The following ACAD11 variants were observed in gnomAD, a reference collection of about 807,000 sequenced individuals.
ACAD11 encodes acyl-Coenzyme A dehydrogenase family, member 11.
ACAD11 carries 83 observed loss-of-function variants against 102.2 expected under a neutral mutation model. The ratio of observed to expected loss-of-function variants is 0.81; its 90% confidence interval spans 0.68 to 0.97. ACAD11 has a LOEUF of 0.97. Among genes scored for constraint, ACAD11 ranks in the 50% least tolerant of loss-of-function variants. ACAD11 has a pLI of 0.00. For synonymous variants in ACAD11, 324 were observed against 319.8 expected (o/e 1.01, Z -0.14); for missense variants, 901 against 951.7 (o/e 0.95, Z 0.70).
chr3:132,656,495 A>ATT (rs34116314), intron 1 of ACAD11, among the ~76,000 whole-genome samples: 3,255 of 145,856 alleles, frequency 0.022, 49 homozygotes, highest in Middle Eastern at 0.076. Context: ...ATATTGTCAG[A>ATT]TTTTTTTTTT....
At position 132,596,500 on chromosome 3, in the gene ACAD11, T is replaced by C. The variant is rs140711373; in HGVS notation, c.1621+6729A>G. Among the ~76,000 whole-genome samples the C allele has an allele frequency of 1.4e-3, 207 of 152,268 alleles. 1 individual carries two copies. In the East Asian group the frequency reaches 0.017, roughly 12 times the overall value. On this transcript the variant is annotated intron_variant, in intron 13 of 19. Coordinates refer to ENST00000264990, the MANE Select transcript of ACAD11 (RefSeq NM_032169.5). ...AATTTCTGCAGGTGGAGACTGAGCC[T>C]GGCCTTGCATGAAAAAATAGATAAC...
chr3:132,597,755 A>C (rs1938378522), intron 13 of ACAD11, among the ~76,000 whole-genome samples: 1 of 152,048 alleles, frequency 6.6e-6, no homozygotes, highest in Admixed American at 6.6e-5. Context: ...CTTACTTAAA[A>C]ATTCCCTTCC....
At chr3:132,602,779 C>T (rs1054574168) in intron 13 of ACAD11, among the ~76,000 whole-genome samples, 1 of 152,052 alleles carries the variant, frequency 6.6e-6, no homozygotes, top group African/African-American at 2.4e-5. Flanking sequence ...TTTGAAAATG[C>T]TTTCACATGC....
intron 13 of ACAD11, among the ~76,000 whole-genome samples, chr3:132,584,822 C>T (rs538668702): frequency 1.3e-5 from 2 of 152,098 alleles, no homozygotes; most frequent in Admixed American, 1.3e-4. Context: ...GAACTACAAA[C>T]CACTGCTCAA....
chr3:132,579,705 G>T, intron 13 of ACAD11, 147 bp from the exon 14 acceptor site: 1 of 628,200 alleles, frequency 1.6e-6, no homozygotes, highest in Non-Finnish European at 2.7e-6. Flanking sequence ...TAATTCTTTT[G>T]TAACACTCTA....
rs779094501 is a variant in ACAD11, at chr3:132,575,799, T to C, written c.1974A>G (p.Ile658Met). Residue 658 changes from isoleucine to methionine, a missense_variant, in exon 17 of 20, where the codon ATA (isoleucine) becomes ATG (methionine). Transcript: ENST00000264990. ...GTGCATACAACTTCTTCTTGAAAGCTATCCTTTGTGTTGCCCGCTCACACA... is the reference window on the plus strand; with the variant it reads ...GTGCATACAACTTCTTCTTGAAAGCCATCCTTTGTGTTGCCCGCTCACACA... Reference protein sequence around the residue: ...QIMCERATQRIAFKKKLYAHE... With the variant: ...QIMCERATQRMAFKKKLYAHE... The C allele has an allele frequency of 3.1e-6, 5 of 1,613,966 alleles. No individual in the cohort carries two copies. In the East Asian group the frequency reaches 8.9e-5, roughly 29 times the overall value.
chr3:132,607,786 T>C (rs1193424272), intron 11 of ACAD11, among the ~76,000 whole-genome samples: 1 of 152,038 alleles, frequency 6.6e-6, no homozygotes, highest in Non-Finnish European at 1.5e-5. Context: ...ACCACAAAGA[T>C]ACTCCTCAAG....
At chr3:132,583,195 T>A (rs1173545032) in intron 13 of ACAD11, among the ~76,000 whole-genome samples, 1 of 152,220 alleles carries the variant, frequency 6.6e-6, no homozygotes, top group Non-Finnish European at 1.5e-5. Context: ...TTTTTTTCAC[T>A]GGTAAGCTAT....
intron 17 of ACAD11, among the ~76,000 whole-genome samples, chr3:132,564,588 G>A (rs1937157640): frequency 6.6e-6 from 1 of 152,172 alleles, no homozygotes; most frequent in African/African-American, 2.4e-5. Context: ...CCAAGTCCTA[G>A]ATCTGGAATG....
At position 132,584,945 on chromosome 3, in the gene ACAD11, A is replaced by G. The variant is rs761428805; in HGVS notation, c.1622-5387T>C. 3.3e-5 allele frequency among the ~76,000 whole-genome samples: 5 copies of G among 152,226 alleles called. No homozygotes were observed. In the South Asian group the frequency reaches 6.2e-4, roughly 19 times the overall value. On this transcript the variant is annotated intron_variant, in intron 13 of 19. Transcript: ENST00000264990. ...CAAGGTAATTTATAGATTGAATGCC[A>G]TCCCCATCAAGCTACCAATGACTTT...
At chr3:132,608,248 T>C (rs981575172) in intron 11 of ACAD11, among the ~76,000 whole-genome samples, 1 of 152,116 alleles carries the variant, frequency 6.6e-6, no homozygotes, top group African/African-American at 2.4e-5. Flanking sequence ...AGCATCATAA[T>C]GACAGGATCA....
At position 132,579,392 on chromosome 3, in the gene ACAD11, G is replaced by C. The variant is rs1937567000; in HGVS notation, c.1688+100C>G. On this transcript the variant is annotated intron_variant, in intron 14 of 19. Coordinates refer to ENST00000264990, the MANE Select transcript of ACAD11 (RefSeq NM_032169.5). ...CATTTACTCTCATATCTTACATTAT[G>C]ATTTGTGAGTCCAAACAGTGAATTT... 3.2e-6 allele frequency: 3 copies of C among 942,360 alleles called. No individual in the cohort carries two copies. In the South Asian group the frequency reaches 4.7e-5, roughly 15 times the overall value. 58.4% of individuals were successfully genotyped at this position (942,360 alleles called of 1,614,324 possible). A position where few individuals can be genotyped will look rare whatever the true frequency, so the allele number is the denominator to read the frequency against.
chr3:132,640,443 C>A (rs1201513391), intron 4 of ACAD11, among the ~76,000 whole-genome samples: 1 of 152,128 alleles, frequency 6.6e-6, no homozygotes, highest in African/African-American at 2.4e-5. Flanking sequence ...AAATATTTTA[C>A]AGGTATGAAT....
At chr3:132,632,509 C>T (rs548974298) in intron 5 of ACAD11, among the ~76,000 whole-genome samples, 2 of 152,272 alleles carry the variant, frequency 1.3e-5, no homozygotes, top group African/African-American at 4.8e-5. Context: ...AGTCAGGTAG[C>T]ATGATGCCTC....
At chr3:132,575,653 T>C (rs1046340030) in intron 17 of ACAD11, 119 bp downstream of exon 17, 2 of 1,212,514 alleles carry the variant, frequency 1.6e-6, no homozygotes, top group Admixed American at 2.4e-5. Flanking sequence ...AAATATGCCT[T>C]ATTGAAAAGA....
chr3:132,599,167 A>G (rs779797049), intron 13 of ACAD11, among the ~76,000 whole-genome samples: 11 of 152,076 alleles, frequency 7.2e-5, no homozygotes, highest in Non-Finnish European at 1.5e-5. Context: ...ACAAAAAGTT[A>G]TACAGACTCA....
chr3:132,633,199 T>C (rs1457049841), intron 5 of ACAD11, among the ~76,000 whole-genome samples: 2 of 152,228 alleles, frequency 1.3e-5, no homozygotes, highest in Admixed American at 6.5e-5. Flanking sequence ...AGTATGATAT[T>C]GGCTGTGGGT....
At chr3:132,655,839 A>T (rs1343449656) in intron 1 of ACAD11, among the ~76,000 whole-genome samples, 1 of 152,246 alleles carries the variant, frequency 6.6e-6, no homozygotes, top group African/African-American at 2.4e-5. Context: ...TTGTTGTATC[A>T]AGCTATATAA....
At chr3:132,605,660 A>G (rs1357333276) in intron 11 of ACAD11, among the ~76,000 whole-genome samples, 2 of 152,160 alleles carry the variant, frequency 1.3e-5, no homozygotes, top group African/African-American at 4.8e-5. Context: ...TCTAATTTCC[A>G]CATATATGCT....
Sources: gnomAD v4.1 joint callset for allele counts (sites outside exome capture counted in the v4.1 genomes callset) on GRCh38, gnomAD v4.1.1 for gene constraint, MANE v1.5 for transcripts, NCBI Gene and HGNC (gene_info 2026-07-23, HGNC 2026-07-21) for gene names.